The following ABCB1 variants were observed in gnomAD, a reference collection of about 807,000 sequenced individuals.
The protein encoded by ABCB1 is ATP binding cassette subfamily B member 1.
ABCB1 carries 69 observed loss-of-function variants against 142.0 expected under a neutral mutation model. That is an observed-to-expected ratio of 0.49 (90% confidence interval 0.40 to 0.59). ABCB1 has a LOEUF of 0.59. ABCB1 is among the 20% of genes least tolerant of loss of function. The pLI is 0.00. For synonymous variants in ABCB1, 532 were observed against 539.2 expected, an observed-to-expected ratio of 0.99 and a Z score of 0.18; for missense variants, 1,326 against 1,554.7, an observed-to-expected ratio of 0.85 and a Z score of 2.47.
Position 87,555,946 on chromosome 7 carries a change from C to T in ABCB1, c.828-2014G>A, listed in dbSNP as rs550547256. On this transcript the variant is annotated intron_variant, in intron 8 of 27. Transcript: ENST00000622132. ...CCTATGCAGCCAGAGGAAACATTTG[C>T]ACAGAAGCACAAGGAAGAAAATCAT... Among the ~76,000 whole-genome samples, 17 of 152,152 alleles carry T rather than the reference C, an allele frequency of 1.1e-4. No individual in the cohort carries two copies. In the South Asian group the frequency reaches 3.5e-3, roughly 32 times the overall value.
At chr7:87,541,996 C>T (rs1371603914) in intron 17 of ABCB1, among the ~76,000 whole-genome samples, 1 of 152,102 alleles carries the variant, frequency 6.6e-6, no homozygotes, top group Non-Finnish European at 1.5e-5. Context: ...TGACCTAGCA[C>T]CATACCTGAA....
At position 87,567,022 on chromosome 7, in the gene ABCB1, A is replaced by G. The variant is rs1584887042; in HGVS notation, c.339-46T>C. Reference sequence around the variant, plus strand: ...TGCACATGCTCTCTGTTTCCTAATCAATGTACCTTTTCCAAAGAGACCACT... The same window carrying G: ...TGCACATGCTCTCTGTTTCCTAATCGATGTACCTTTTCCAAAGAGACCACT... On this transcript the variant is annotated intron_variant, in intron 5 of 27. Coordinates refer to ENST00000622132, the MANE Select transcript of ABCB1 (RefSeq NM_001348946.2). The G allele has an allele frequency of 2.5e-6, 4 of 1,573,566 alleles. No individual in the cohort carries two copies. The Admixed American group carries it at 5.0e-5, about 20-fold the overall frequency.
intron 20 of ABCB1, among the ~76,000 whole-genome samples, chr7:87,534,923 A>AC (rs1816215818): frequency 7.1e-6 from 1 of 140,578 alleles, no homozygotes; most frequent in African/African-American, 2.6e-5. Context: ...TCTTTAAAAA[A>AC]AAAAAAAAAA....
intron 25 of ABCB1, among the ~76,000 whole-genome samples, chr7:87,512,442 G>GT (rs543433126): frequency 2.1e-3 from 318 of 152,248 alleles, no homozygotes; most frequent in Non-Finnish European, 3.5e-3. Context: ...GGCCGGCTGT[G>GT]TTTTTTACTA....
chr7:87,650,861 G>A, intron 1 of ABCB1: 1 of 1,612,790 alleles, frequency 6.2e-7, no homozygotes, highest in Middle Eastern at 1.7e-4. Context: ...CTTGCTTTGA[G>A]ACAATTGATG....
chr7:87,660,278 CT>C (rs906646578), intron 1 of ABCB1, among the ~76,000 whole-genome samples: 3 of 152,014 alleles, frequency 2.0e-5, no homozygotes, highest in African/African-American at 7.2e-5. Flanking sequence ...TACTAATTCA[CT>C]TTATGCTTTC....
intron 20 of ABCB1, among the ~76,000 whole-genome samples, chr7:87,533,986 T>A (rs1375952229): frequency 6.6e-6 from 1 of 152,060 alleles, no homozygotes; most frequent in Non-Finnish European, 1.5e-5. Flanking sequence ...AGGAAACAAG[T>A]GAAAAGCAGA....
At chr7:87,642,773 C>T (rs1156541917) in intron 1 of ABCB1, among the ~76,000 whole-genome samples, 1 of 152,114 alleles carries the variant, frequency 6.6e-6, no homozygotes, top group African/African-American at 2.4e-5. Context: ...TGTCATCAGT[C>T]TGCTTATATA....
chr7:87,648,410 G>T (rs181765640), intron 1 of ABCB1, among the ~76,000 whole-genome samples: 1 of 151,956 alleles, frequency 6.6e-6, no homozygotes, highest in Non-Finnish European at 1.5e-5. Flanking sequence ...ATGTCCCAGA[G>T]GAAGTGACAC....
At chr7:87,550,966 G>T in intron 9 of ABCB1, 128 bp from the exon 10 acceptor site, 1 of 671,868 alleles carries the variant, frequency 1.5e-6, no homozygotes, top group East Asian at 2.7e-5. Context: ...ATAAATACTA[G>T]GTGTTAAAAA....
intron 1 of ABCB1, chr7:87,709,216 C>G (rs547553699): frequency 3.0e-6 from 3 of 983,854 alleles, no homozygotes; most frequent in Admixed American, 1.2e-4. Flanking sequence ...AAGATTTTCC[C>G]TACATTTCTT....
At chr7:87,626,199 T>TG (rs1554444128) in intron 1 of ABCB1, among the ~76,000 whole-genome samples, 1 of 14,292 alleles carries the variant, frequency 7.0e-5, no homozygotes, top group Non-Finnish European at 1.2e-4. Context: ...GTCATATATA[T>TG]GTCATATATA....
At chr7:87,626,191 CAT>C (rs1406393974) in intron 1 of ABCB1, among the ~76,000 whole-genome samples, 55 of 105,738 alleles carry the variant, frequency 5.2e-4, no homozygotes, top group Non-Finnish European at 8.4e-4. Context: ...ATATATGTGT[CAT>C]ATATATGTCA....
At chr7:87,662,616 C>T (rs1365318248) in intron 1 of ABCB1, among the ~76,000 whole-genome samples, 1 of 152,012 alleles carries the variant, frequency 6.6e-6, no homozygotes, top group Non-Finnish European at 1.5e-5. Flanking sequence ...GTCTATGTAT[C>T]TCTTTTTATG....
At chr7:87,594,194 A>G (rs1032485605) in intron 3 of ABCB1, among the ~76,000 whole-genome samples, 7 of 152,204 alleles carry the variant, frequency 4.6e-5, no homozygotes, top group African/African-American at 1.7e-4. Context: ...GACTTAGAAT[A>G]TATTCTCTCT....
chr7:87,621,302 CAT>C (rs1820213519), intron 1 of ABCB1, among the ~76,000 whole-genome samples: 1 of 152,006 alleles, frequency 6.6e-6, no homozygotes, highest in South Asian at 2.1e-4. Flanking sequence ...ACCACTAGCT[CAT>C]AAATGATAAA....
intron 1 of ABCB1, among the ~76,000 whole-genome samples, chr7:87,616,971 T>G (rs1820051860): frequency 6.6e-6 from 1 of 152,148 alleles, no homozygotes; most frequent in South Asian, 2.1e-4. Context: ...TGGTGAGGCC[T>G]AGTAGGGAAT....
chr7:87,556,639 T>A (rs926031333), intron 8 of ABCB1, among the ~76,000 whole-genome samples: 1 of 152,210 alleles, frequency 6.6e-6, no homozygotes, highest in Admixed American at 6.5e-5. Flanking sequence ...ATCAGGGAGA[T>A]GCTCTGGCCT....
intron 1 of ABCB1, among the ~76,000 whole-genome samples, chr7:87,666,299 G>A (rs1314165022): frequency 1.3e-5 from 2 of 152,042 alleles, no homozygotes; most frequent in Non-Finnish European, 2.9e-5. Flanking sequence ...TTTGAAAAGT[G>A]TCTGTTCATG....
Sources: gnomAD v4.1 joint callset for allele counts (sites outside exome capture counted in the v4.1 genomes callset) on GRCh38, gnomAD v4.1.1 for gene constraint, MANE v1.5 for transcripts, NCBI Gene and HGNC (gene_info 2026-07-23, HGNC 2026-07-21) for gene names.